The following GPM6A variants were observed in gnomAD, a reference collection of about 807,000 sequenced individuals.
The protein encoded by GPM6A is glycoprotein M6A.
A neutral mutation model predicts 32.1 loss-of-function variants in GPM6A; 7 were observed. That is an observed-to-expected ratio of 0.22 (90% CI 0.12 to 0.41). GPM6A has a LOEUF of 0.41. Ranked by LOEUF, GPM6A falls within the 10% of genes least tolerant of loss-of-function variation. GPM6A has a pLI of 1.00. For missense variants in GPM6A, 235 were observed against 347.2 expected, an observed-to-expected ratio of 0.68 and a Z score of 2.57; for synonymous variants, 130 against 123.4, an observed-to-expected ratio of 1.05 and a Z score of -0.35.
chr4:175,749,468 G>T (rs1732235797), intron 1 of GPM6A, among the ~76,000 whole-genome samples: 2 of 152,204 alleles, frequency 1.3e-5, no homozygotes, highest in Non-Finnish European at 2.9e-5. Flanking sequence ...AGGCTATTAA[G>T]TTAAGCATAA....
At chr4:175,649,261 A>G (rs1031193237) in intron 4 of GPM6A, among the ~76,000 whole-genome samples, 2 of 152,326 alleles carry the variant, frequency 1.3e-5, no homozygotes, top group Middle Eastern at 3.4e-3. Flanking sequence ...GCTTAATGTC[A>G]TAAGGAATCC....
chr4:175,983,652 C>T (rs1740880746), intron 1 of GPM6A, among the ~76,000 whole-genome samples: 1 of 152,110 alleles, frequency 6.6e-6, no homozygotes, highest in Admixed American at 6.6e-5. Context: ...CCCACTTGGC[C>T]TATACATGTT....
At chr4:175,905,922 A>G (rs1044165289) in intron 1 of GPM6A, among the ~76,000 whole-genome samples, 4 of 152,156 alleles carry the variant, frequency 2.6e-5, no homozygotes, top group African/African-American at 4.8e-5. Context: ...TCTCAATTAG[A>G]TTGAAACAGC....
At chr4:175,896,070 A>T (rs1410329532) in intron 1 of GPM6A, among the ~76,000 whole-genome samples, 3 of 152,228 alleles carry the variant, frequency 2.0e-5, no homozygotes, top group African/African-American at 7.2e-5. Flanking sequence ...CGTGAACCAC[A>T]TATTATTACT....
chr4:175,686,083 C>T (rs1743965507), intron 2 of GPM6A, among the ~76,000 whole-genome samples: 1 of 152,148 alleles, frequency 6.6e-6, no homozygotes, highest in Admixed American at 6.5e-5. Flanking sequence ...ATCAGATGTG[C>T]CTCCAGTAAA....
intron 1 of GPM6A, among the ~76,000 whole-genome samples, chr4:175,851,296 C>A (rs1209667302): frequency 3.9e-5 from 6 of 151,984 alleles, no homozygotes. Flanking sequence ...ACCAGCCTGG[C>A]CAACATGGTG....
chr4:175,951,078 T>C (rs73873512), intron 1 of GPM6A, among the ~76,000 whole-genome samples: 9,052 of 152,104 alleles, frequency 0.06, 835 homozygotes, highest in African/African-American at 0.2. Flanking sequence ...GGAAAGGGAA[T>C]TTCATCTCTG....
chr4:175,973,147 A>G (rs1293183365), intron 1 of GPM6A, among the ~76,000 whole-genome samples: 1 of 152,208 alleles, frequency 6.6e-6, no homozygotes, highest in Non-Finnish European at 1.5e-5. Flanking sequence ...TTATAGATGC[A>G]ACATCTTCTA....
intron 3 of GPM6A, among the ~76,000 whole-genome samples, chr4:175,671,084 C>T (rs751603785): frequency 3.0e-4 from 46 of 151,704 alleles, no homozygotes; most frequent in Non-Finnish European, 4.9e-4. Context: ...TGCTGGTCTA[C>T]GAACTCCTAA....
chr4:175,790,745 C>T (rs1462557428), intron 1 of GPM6A, among the ~76,000 whole-genome samples: 1 of 152,072 alleles, frequency 6.6e-6, no homozygotes, highest in African/African-American at 2.4e-5. Flanking sequence ...CATTTGAAAA[C>T]CAAGAACGGC....
intron 1 of GPM6A, among the ~76,000 whole-genome samples, chr4:175,963,623 A>G (rs1175252906): frequency 1.3e-5 from 2 of 152,220 alleles, no homozygotes; most frequent in Non-Finnish European, 2.9e-5. Context: ...CGCTTCTTTA[A>G]AAGAGGTTCT....
intron 3 of GPM6A, among the ~76,000 whole-genome samples, chr4:175,664,468 C>G (rs1207218006): frequency 6.6e-6 from 1 of 152,174 alleles, no homozygotes; most frequent in Non-Finnish European, 1.5e-5. Flanking sequence ...TATGTACCTT[C>G]TGTTCAATAT....
At position 175,764,977 on chromosome 4, in the gene GPM6A, G is replaced by T. The variant is rs557934447; in HGVS notation, c.37+47214C>A. 1.2e-3 allele frequency among the ~76,000 whole-genome samples: 175 copies of T among 151,832 alleles called. 2 individuals are homozygous for T. Among genetic ancestry groups the T allele is most frequent in the African/African-American group, 4.0e-3 (164 of 41,458 alleles). On this transcript the variant is annotated intron_variant, in intron 1 of 6. Transcript: ENST00000393658. The stretch of plus-strand genomic sequence containing the variant: ...CAAACTCTGCCTCCCGGGTTCAAGT[G>T]ATTCTCCTGCCTCAGCCTCCCGAAT...
intron 3 of GPM6A, among the ~76,000 whole-genome samples, chr4:175,663,571 T>A (rs1271701743): frequency 6.6e-6 from 1 of 152,224 alleles, no homozygotes; most frequent in Non-Finnish European, 1.5e-5. Context: ...CGTTTATCAA[T>A]TAGCTTGATT....
chr4:175,734,343 T>G (rs1249222136), intron 1 of GPM6A, among the ~76,000 whole-genome samples: 2 of 152,038 alleles, frequency 1.3e-5, no homozygotes, highest in Non-Finnish European at 2.9e-5. Context: ...ATCATTTCCC[T>G]GTAAAAAACA....
intron 1 of GPM6A, chr4:175,790,368 G>A (rs1165404177): frequency 2.0e-5 from 3 of 152,108 alleles, no homozygotes; most frequent in African/African-American, 4.8e-5. Flanking sequence ...AAATAAAGGG[G>A]CTAACACATT....
intron 1 of GPM6A, among the ~76,000 whole-genome samples, chr4:175,719,434 A>G (rs2581763): frequency 0.53 from 81,066 of 151,912 alleles, 22,865 homozygotes; most frequent in Non-Finnish European, 0.62. Flanking sequence ...CCTTGACCTC[A>G]TATAACACAA....
intron 1 of GPM6A, 42 bp from the exon 2 acceptor site, chr4:175,701,809 C>A (rs771644231): frequency 1.5e-5 from 22 of 1,456,812 alleles, no homozygotes; most frequent in East Asian, 2.3e-5. Context: ...TTTTTGTTAA[C>A]CTAATTTAAT....
intron 1 of GPM6A, among the ~76,000 whole-genome samples, chr4:175,991,247 T>TG (rs1741132713): frequency 6.8e-6 from 1 of 147,918 alleles, no homozygotes; most frequent in Non-Finnish European, 1.5e-5. Flanking sequence ...TTTTTTTTTT[T>TG]GTATGCTTAG....
Sources: allele counts gnomAD v4.1 joint callset (sites outside exome capture counted in the v4.1 genomes callset), GRCh38; gene constraint gnomAD v4.1.1; transcripts MANE v1.5; gene names NCBI Gene and HGNC (gene_info 2026-07-23, HGNC 2026-07-21).